The following RTN1 variants were observed in gnomAD, a reference collection of about 807,000 sequenced individuals.
RTN1 encodes the protein reticulon-1.
RTN1 carries 25 observed loss-of-function variants against 65.5 expected under a neutral mutation model. That is an observed-to-expected ratio of 0.38 (90% CI 0.28 to 0.53). The LOEUF is 0.53. Among genes scored for constraint, RTN1 ranks in the 20% least tolerant of loss-of-function variants. The pLI, the probability that RTN1 is intolerant of heterozygous loss-of-function variation, is 0.79. For missense variants in RTN1, 983 were observed against 1,025.4 expected (o/e 0.96, Z 0.57); for synonymous variants, 471 against 447.6 (o/e 1.05, Z -0.66).
intron 2 of RTN1, among the ~76,000 whole-genome samples, chr14:59,731,690 A>G (rs918200527): frequency 5.3e-5 from 8 of 152,086 alleles, no homozygotes; most frequent in South Asian, 4.2e-4. Flanking sequence ...CAACTTCCCA[A>G]TCGTTTTTGA....
At chr14:59,653,714 C>G (rs565294710) in intron 3 of RTN1, among the ~76,000 whole-genome samples, 2 of 151,664 alleles carry the variant, frequency 1.3e-5, no homozygotes, top group Non-Finnish European at 2.9e-5. Context: ...TATATATACT[C>G]CCCTAATATA....
chr14:59,761,833 T>C (rs1248601720), intron 1 of RTN1, among the ~76,000 whole-genome samples: 1 of 152,214 alleles, frequency 6.6e-6, no homozygotes, highest in African/African-American at 2.4e-5. Context: ...CTGCATCCTC[T>C]GCTGAAAGTC....
intron 2 of RTN1, among the ~76,000 whole-genome samples, chr14:59,742,693 CT>C (rs1268925848): frequency 6.6e-6 from 1 of 152,160 alleles, no homozygotes; most frequent in African/African-American, 2.4e-5. Context: ...AAACTGGACC[CT>C]TTTTTGCTTA....
chr14:59,797,103 C>A (rs1334537235), intron 1 of RTN1, among the ~76,000 whole-genome samples: 1 of 152,138 alleles, frequency 6.6e-6, no homozygotes, highest in Non-Finnish European at 1.5e-5. Context: ...AATATAAGCT[C>A]TTTGCTTCCA....
intron 3 of RTN1, among the ~76,000 whole-genome samples, chr14:59,666,415 A>G (rs1180487978): frequency 1.3e-5 from 2 of 152,334 alleles, no homozygotes; most frequent in South Asian, 2.1e-4. Context: ...ACAATGTACC[A>G]GAATCTCTGG....
chr14:59,755,035 C>T (rs967318774), intron 1 of RTN1, among the ~76,000 whole-genome samples: 1 of 152,188 alleles, frequency 6.6e-6, no homozygotes, highest in Non-Finnish European at 1.5e-5. Context: ...TAAGTGCCTA[C>T]AGATGCCTTC....
At chr14:59,726,885 C>G (rs1884772475) in intron 3 of RTN1, 34 bp downstream of exon 3, 1 of 1,570,050 alleles carries the variant, frequency 6.4e-7, no homozygotes, top group Non-Finnish European at 8.7e-7. Context: ...AGAGGGAGGA[C>G]ACTAACCAAG....
At chr14:59,718,071 T>C (rs747234726) in intron 3 of RTN1, among the ~76,000 whole-genome samples, 7 of 152,178 alleles carry the variant, frequency 4.6e-5, no homozygotes, top group Non-Finnish European at 1.0e-4. Context: ...GAAAAACTGA[T>C]CAGTTCCACT....
chr14:59,645,128 C>T (rs889486052), intron 3 of RTN1, among the ~76,000 whole-genome samples: 1 of 152,132 alleles, frequency 6.6e-6, no homozygotes, highest in Non-Finnish European at 1.5e-5. Context: ...CCCTATTTCT[C>T]CTCACTGGGC....
chr14:59,616,981 T>A (rs1882120005), intron 3 of RTN1, among the ~76,000 whole-genome samples: 1 of 152,232 alleles, frequency 6.6e-6, no homozygotes, highest in African/African-American at 2.4e-5. Flanking sequence ...CATTTGTTCC[T>A]CTCTACCTAA....
intron 1 of RTN1, among the ~76,000 whole-genome samples, chr14:59,781,718 A>C (rs764339898): frequency 2.0e-5 from 3 of 152,196 alleles, no homozygotes; most frequent in Non-Finnish European, 2.9e-5. Flanking sequence ...AGAAATCCTA[A>C]AGTAACTACA....
intron 1 of RTN1, among the ~76,000 whole-genome samples, chr14:59,756,462 T>C (rs565526692): frequency 6.6e-6 from 1 of 152,198 alleles, no homozygotes; most frequent in Non-Finnish European, 1.5e-5. Context: ...GTTTGTATAC[T>C]AATAGTTATT....
At chr14:59,723,345 G>A (rs1269533979) in intron 3 of RTN1, among the ~76,000 whole-genome samples, 2 of 151,698 alleles carry the variant, frequency 1.3e-5, no homozygotes, top group African/African-American at 4.8e-5. Context: ...GGTGGCTCAC[G>A]CCTGTAATCC....
At chr14:59,718,650 C>T (rs1432728010) in intron 3 of RTN1, among the ~76,000 whole-genome samples, 2 of 152,142 alleles carry the variant, frequency 1.3e-5, no homozygotes, top group Non-Finnish European at 2.9e-5. Context: ...GGAAAATATG[C>T]TAGATACAGT....
At chr14:59,857,449 C>T (rs1356980848) in intron 1 of RTN1, among the ~76,000 whole-genome samples, 1 of 152,136 alleles carries the variant, frequency 6.6e-6, no homozygotes, top group Non-Finnish European at 1.5e-5. Context: ...GCCAGTTCCC[C>T]CTCCCACCCT....
rs1298440406 is a variant in RTN1, at chr14:59,857,785, C to T, written c.241+12605G>A. Among the ~76,000 whole-genome samples, 4 of 152,306 alleles carry T rather than the reference C, an allele frequency of 2.6e-5. No individual in the cohort carries two copies. The East Asian group carries it at 7.7e-4, about 29-fold the overall frequency. On this transcript the variant is annotated intron_variant, in intron 1 of 8. Coordinates refer to ENST00000267484, the MANE Select transcript of RTN1 (RefSeq NM_021136.3). ...GATATTACTTCCCTTACATATAAGC[C>T]TGCAAAGATCCCAGAATCCATAAGA...
intron 1 of RTN1, among the ~76,000 whole-genome samples, chr14:59,749,804 T>C (rs1293608800): frequency 8.7e-6 from 1 of 115,484 alleles, no homozygotes; most frequent in African/African-American, 3.4e-5. Context: ...TATATTTATA[T>C]ATATCTATAT....
intron 3 of RTN1, among the ~76,000 whole-genome samples, chr14:59,679,063 G>T (rs1205274932): frequency 3.9e-5 from 6 of 152,210 alleles, no homozygotes; most frequent in Admixed American, 3.9e-4. Context: ...TGACAGATTG[G>T]ATTGTGAGGG....
intron 1 of RTN1, among the ~76,000 whole-genome samples, chr14:59,857,321 C>A (rs577096310): frequency 2.0e-5 from 3 of 152,302 alleles, no homozygotes; most frequent in East Asian, 3.9e-4. Context: ...ATCCTGTTGT[C>A]ACCTACAAAA....
Sources: allele counts gnomAD v4.1 joint callset (sites outside exome capture counted in the v4.1 genomes callset), GRCh38; gene constraint gnomAD v4.1.1; transcripts MANE v1.5; gene names NCBI Gene and HGNC (gene_info 2026-07-23, HGNC 2026-07-21).